Variants in PTPN9 observed in about 807,000 individuals in gnomAD.
PTPN9 encodes the protein tyrosine-protein phosphatase non-receptor type 9.
In PTPN9, 26 loss-of-function variants were observed where a neutral mutation model predicts 69.8. The observed-to-expected ratio is 0.37, with a 90% CI of 0.27 to 0.52. The LOEUF (loss-of-function observed/expected upper bound fraction) is 0.52, where lower values mean the gene tolerates loss of function less well. Ranked by LOEUF, PTPN9 falls within the 20% of genes least tolerant of loss-of-function variation. PTPN9 has a pLI of 0.91. For missense variants in PTPN9, 549 were observed against 740.3 expected, an observed-to-expected ratio of 0.74 and a Z score of 3.00; for synonymous variants, 274 against 272.5, an observed-to-expected ratio of 1.01 and a Z score of -0.05.
At chr15:75,475,375 C>T (rs2074590156) in intron 9 of PTPN9, among the ~76,000 whole-genome samples, 1 of 151,832 alleles carries the variant, frequency 6.6e-6, no homozygotes, top group Admixed American at 6.6e-5. Context: ...GGTCAGGAGT[C>T]CGAGACCAGC....
intron 5 of PTPN9, among the ~76,000 whole-genome samples, chr15:75,514,952 G>A (rs796547911): frequency 2.2e-4 from 34 of 152,176 alleles, no homozygotes; most frequent in African/African-American, 7.9e-4. Flanking sequence ...ATGGCAAGGG[G>A]GTACGACTGC....
In PTPN9 at chr15:75,464,629, G is replaced by A. The variant is rs556558497; in HGVS notation, c.*4140C>T. ...GACCTCAAAACCACAAAAGAGCTGG[G>A]TCACTCTAGAGAAGCTTTTCTACTT... On this transcript the variant is annotated 3_prime_UTR_variant, in exon 13 of 13. Transcript: ENST00000618819. 6 of 152,250 alleles carry A rather than the reference G, an allele frequency of 3.9e-5. No individual in the cohort carries two copies. The East Asian group carries it at 1.2e-3, about 29-fold the overall frequency. The allele number at this position is 152,250 out of a possible 1,614,324, so 9.4% of individuals were successfully genotyped here. A position where few individuals can be genotyped will look rare whatever the true frequency, so the allele number is the denominator to read the frequency against.
At chr15:75,548,736 C>G (rs548543711) in intron 1 of PTPN9, among the ~76,000 whole-genome samples, 11 of 147,326 alleles carry the variant, frequency 7.5e-5, no homozygotes, top group African/African-American at 2.5e-4. Context: ...TCACTGCAAG[C>G]TCTGCCACCA....
intron 3 of PTPN9, 92 bp downstream of exon 3, chr15:75,524,117 T>TAAAAAAAAAAAAAAAAAAAAA (rs34132149): frequency 9.3e-6 from 3 of 322,304 alleles, no homozygotes; most frequent in Non-Finnish European, 1.6e-5. Flanking sequence ...ATAATAAAAT[T>TAAAAAAAAAAAAAAAAAAAAA]AAAAAAAAAA....
Position 75,468,844 on chromosome 15 carries a change from CT to C in PTPN9, c.1706del (p.Lys569ArgfsTer46), listed in dbSNP as rs748625605. 6.2e-7 allele frequency: 1 copy of C among 1,614,120 alleles called. No individual in the cohort carries two copies. Among genetic ancestry groups the C allele is most frequent in the South Asian group, 1.1e-5 (1 of 91,086 alleles). On this transcript the variant is annotated frameshift_variant, in exon 13 of 13. Coordinates refer to ENST00000618819, the MANE Select transcript of PTPN9 (RefSeq NM_002833.4). LOFTEE classifies it high-confidence loss of function. ...CCTTCTCTGCGAACTCCAGGATGGC[CT>C]TGTAGCAAAAATAGTACTGCTCAGG... ...QTPEQYYFCY[K>X]AILEFAEKEG... is the part of the protein sequence containing the mutation.
At position 75,504,067 on chromosome 15, in the gene PTPN9, G is replaced by A. The variant is rs777307226; in HGVS notation, c.968+1608C>T. On this transcript the variant is annotated intron_variant, in intron 7 of 12. Transcript: ENST00000618819. ...CCCCGCCCGGCCAGCCGACCCGTCC[G>A]GGAGGGAGGTGGGGGGATCAGCACC... is the stretch of plus-strand genomic sequence containing the variant. Among the ~76,000 whole-genome samples, 297 of 117,492 alleles carry A rather than the reference G, an allele frequency of 2.5e-3. 1 individual carries two copies. Among genetic ancestry groups the A allele is most frequent in the Non-Finnish European group, 4.1e-3 (222 of 54,232 alleles). The allele number at this position is 117,492 out of a possible 152,430, so 77.1% of individuals were successfully genotyped here. A position where few individuals can be genotyped will look rare whatever the true frequency, so the allele number is the denominator to read the frequency against.
At chr15:75,481,933 G>T (rs543563738) in intron 8 of PTPN9, among the ~76,000 whole-genome samples, 3,877 of 145,114 alleles carry the variant, frequency 0.027, 76 homozygotes, top group South Asian at 0.061. Context: ...CCCTCTGCCC[G>T]GCCACCACCC....
intron 4 of PTPN9, among the ~76,000 whole-genome samples, chr15:75,521,032 G>A (rs1308930290): frequency 6.6e-6 from 1 of 151,160 alleles, no homozygotes; most frequent in East Asian, 2.0e-4. Flanking sequence ...TAAACTTTTT[G>A]TAGAGACGAG....
chr15:75,463,706 A>G lies in PTPN9; in HGVS notation c.*5063T>C, dbSNP rs1164697623. 6.6e-6 allele frequency: 1 copy of G among 152,170 alleles called. No individual in the cohort carries two copies. The highest frequency in any genetic ancestry group is 1.5e-5 in the Non-Finnish European group (1 of 68,026). The allele number at this position is 152,170 out of a possible 1,614,324, so 9.4% of individuals were successfully genotyped here. On this transcript the variant is annotated 3_prime_UTR_variant, in exon 13 of 13. Transcript: ENST00000618819. ...AAACATCTCCAAGTAAAAGTGATAT[A>G]TTTCTATTTGTGGAGAAGATCCTAG...
intron 1 of PTPN9, among the ~76,000 whole-genome samples, chr15:75,556,685 TTTA>T (rs1229450052): frequency 6.6e-6 from 1 of 152,220 alleles, no homozygotes; most frequent in Non-Finnish European, 1.5e-5. Flanking sequence ...CCGCATTTTC[TTTA>T]TTGTGGTAAA....
chr15:75,528,436 G>A (rs2074940571), intron 1 of PTPN9, among the ~76,000 whole-genome samples: 1 of 151,428 alleles, frequency 6.6e-6, no homozygotes. Context: ...AGGCTGGAAT[G>A]TAGTGGCACA....
chr15:75,478,331 C>G (rs1021310376), intron 9 of PTPN9, among the ~76,000 whole-genome samples: 2 of 149,832 alleles, frequency 1.3e-5, no homozygotes, highest in African/African-American at 2.5e-5. Flanking sequence ...TCTCGAACTT[C>G]CAACCTCAGT....
chr15:75,497,471 C>T (rs1309470465), intron 7 of PTPN9, among the ~76,000 whole-genome samples: 1 of 152,186 alleles, frequency 6.6e-6, no homozygotes, highest in Admixed American at 6.6e-5. Flanking sequence ...GCACTCCAAC[C>T]TATGCGACAG....
chr15:75,489,789 T>C (rs1384314821), intron 8 of PTPN9, among the ~76,000 whole-genome samples: 1 of 152,228 alleles, frequency 6.6e-6, no homozygotes, highest in Non-Finnish European at 1.5e-5. Flanking sequence ...TATGTATACA[T>C]AAGTTGTCCA....
At chr15:75,499,399 C>CTTTTTTTTT (rs71440245) in intron 7 of PTPN9, among the ~76,000 whole-genome samples, 1 of 84,536 alleles carries the variant, frequency 1.2e-5, no homozygotes, top group South Asian at 4.1e-4. Flanking sequence ...TCTAAACCCA[C>CTTTTTTTTT]TTTTTTTTTT....
chr15:75,566,705 G>A (rs1595972365), intron 1 of PTPN9, among the ~76,000 whole-genome samples: 1 of 151,800 alleles, frequency 6.6e-6, no homozygotes, highest in Non-Finnish European at 1.5e-5. Flanking sequence ...AGAAACATAT[G>A]GGCTGGGCAC....
At chr15:75,471,599 T>A in intron 10 of PTPN9, among the ~76,000 whole-genome samples, 1 of 122,636 alleles carries the variant, frequency 8.2e-6, no homozygotes. Context: ...TGAGACTCTG[T>A]CTCAAAAAAG....
At chr15:75,513,212 C>A in intron 5 of PTPN9, 1 of 451,398 alleles carries the variant, frequency 2.2e-6, no homozygotes, top group Non-Finnish European at 4.4e-6. Context: ...TTTTATTTAT[C>A]ATTTTGTGGA....
intron 9 of PTPN9, among the ~76,000 whole-genome samples, chr15:75,475,566 C>T (rs1407465837): frequency 2.6e-5 from 4 of 151,806 alleles, no homozygotes; most frequent in East Asian, 3.9e-4. Context: ...CCGGCCTGGG[C>T]GACAGCAAGA....
Sources: allele counts gnomAD v4.1 joint callset (sites outside exome capture counted in the v4.1 genomes callset), GRCh38; gene constraint gnomAD v4.1.1; transcripts MANE v1.5; gene names NCBI Gene and HGNC (gene_info 2026-07-23, HGNC 2026-07-21).